The following FAM20C variants were observed in gnomAD, a reference collection of about 807,000 sequenced individuals.
FAM20C encodes the protein extracellular serine/threonine protein kinase FAM20C.
Under a neutral mutation model 51.5 loss-of-function variants are expected in FAM20C, and 40 were observed. The observed-to-expected ratio is 0.78, with a 90% CI of 0.60 to 1.01. FAM20C has a LOEUF of 1.01. Ranked by LOEUF, FAM20C falls within the 50% of genes least tolerant of loss-of-function variation. FAM20C has a pLI of 0.00. For synonymous variants in FAM20C, 406 were observed against 380.6 expected (o/e 1.07, Z -0.78); for missense variants, 861 against 844.7 (o/e 1.02, Z -0.24).
At chr7:214,971 C>CA (rs1786891381) in intron 3 of FAM20C, among the ~76,000 whole-genome samples, 1 of 152,082 alleles carries the variant, frequency 6.6e-6, no homozygotes, top group Admixed American at 6.5e-5. Context: ...AGATGTGACT[C>CA]AGACTCGAAG....
chr7:258,865 G>A (rs1036032419), intron 9 of FAM20C, among the ~76,000 whole-genome samples, 160 bp downstream of exon 9: 3 of 151,574 alleles, frequency 2.0e-5, no homozygotes, highest in Admixed American at 1.3e-4. Flanking sequence ...ACCCTCACTC[G>A]GCGGCCTGGA....
Position 193,144 on chromosome 7 carries a change from A to C in FAM20C, c.-56A>C, listed in dbSNP as rs1785644523. 38 of 1,397,878 alleles carry C rather than the reference A, an allele frequency of 2.7e-5. No individual in the cohort carries two copies. The highest frequency in any genetic ancestry group is 3.6e-5 in the Non-Finnish European group (38 of 1,063,660). The allele number at this position is 1,397,878 out of a possible 1,614,324, so 86.6% of individuals were successfully genotyped here. A position where few individuals can be genotyped will look rare whatever the true frequency, so the allele number is the denominator to read the frequency against. The stretch of plus-strand genomic sequence containing the variant: ...CGGCGCCGCGCTCGTGCCCAGCTGC[A>C]GCTAGAGGGGCGCGCGGGCAGAACG... On this transcript the variant is annotated 5_prime_UTR_variant, in exon 1 of 10. Coordinates refer to ENST00000313766, the MANE Select transcript of FAM20C (RefSeq NM_020223.4).
chr7:246,161 C>A, intron 3 of FAM20C: 1 of 460,446 alleles, frequency 2.2e-6, no homozygotes, highest in South Asian at 2.2e-5. Context: ...GCCTGCGCTG[C>A]TCTGAGGGCC....
chr7:217,869 G>A (rs1049708371), intron 3 of FAM20C, among the ~76,000 whole-genome samples: 1 of 152,278 alleles, frequency 6.6e-6, no homozygotes, highest in African/African-American at 2.4e-5. Context: ...GAGGAAGAGG[G>A]GCCTGGCTGA....
Position 193,333 on chromosome 7 carries a change from G to C in FAM20C, c.134G>C (p.Gly45Ala), listed in dbSNP as rs1785665481. 3.0e-6 allele frequency: 4 copies of C among 1,350,796 alleles called. No homozygotes were observed. The highest frequency in any genetic ancestry group is 3.8e-6 in the Non-Finnish European group (4 of 1,043,342). The allele number at this position is 1,350,796 out of a possible 1,614,324, so 83.7% of individuals were successfully genotyped here. ...RRGARPSGEP[G>A]CSCAQPAAEV... is the part of the protein sequence containing the mutation. ...GGCGCGCGGCCCTCGGGGGAGCCCG[G>C]CTGTTCGTGCGCGCAGCCCGCCGCC... The change falls in exon 1 of 10, where the codon GGC (glycine) becomes GCC (alanine). Residue 45 changes from glycine (G) to alanine (A), a missense_variant. Around this residue, in one of 3 missense-constraint regions of FAM20C, gnomAD observed 561 missense variants for 499.8 expected, o/e 1.12. Transcript: ENST00000313766.
chr7:220,911 C>T (rs370525210), intron 3 of FAM20C, among the ~76,000 whole-genome samples: 4 of 152,048 alleles, frequency 2.6e-5, no homozygotes, highest in East Asian at 1.9e-4. Context: ...GGGCACAGGG[C>T]GGAGCCTCGT....
At chr7:248,287 A>G (rs1562393928) in intron 4 of FAM20C, 28 bp from the exon 5 acceptor site, 2 of 1,504,780 alleles carry the variant, frequency 1.3e-6, no homozygotes, top group Admixed American at 3.9e-5. Context: ...CACAGAGCAC[A>G]GACCATTCCC....
Position 220,180 on chromosome 7 carries a change from C to T in FAM20C, c.863+11204C>T, listed in dbSNP as rs553057759. Among the ~76,000 whole-genome samples the T allele has an allele frequency of 2.0e-4, 30 of 152,288 alleles. No individual in the cohort carries two copies. The South Asian group carries it at 5.2e-3, about 26-fold the overall frequency. On this transcript the variant is annotated intron_variant, in intron 3 of 9. Coordinates refer to ENST00000313766, the MANE Select transcript of FAM20C (RefSeq NM_020223.4). ...ATGCTGCCCTCGCTGTGGTGGGGTC[C>T]CTGTGCCCAGAGCTGCTGGCTCCTG...
At chr7:207,394 G>T (rs1324031490) in intron 2 of FAM20C, among the ~76,000 whole-genome samples, 2 of 152,114 alleles carry the variant, frequency 1.3e-5, no homozygotes, top group Admixed American at 6.5e-5. Context: ...CCGCACACGT[G>T]CTCACTGTCT....
chr7:215,201 C>T (rs1488611217), intron 3 of FAM20C, among the ~76,000 whole-genome samples: 3 of 144,750 alleles, frequency 2.1e-5, no homozygotes, highest in East Asian at 4.0e-4. Flanking sequence ...GAGTGAGCAC[C>T]GTACCACAGA....
chr7:212,079 G>C (rs1303978874), intron 3 of FAM20C, among the ~76,000 whole-genome samples: 2 of 152,302 alleles, frequency 1.3e-5, no homozygotes, highest in East Asian at 3.9e-4. Flanking sequence ...GGGGATGATC[G>C]TTTCTTCTTC....
At chr7:258,936 C>T (rs1348613782) in intron 9 of FAM20C, among the ~76,000 whole-genome samples, 1 of 152,228 alleles carries the variant, frequency 6.6e-6, no homozygotes, top group African/African-American at 2.4e-5. Flanking sequence ...CTCGGGCCTC[C>T]ACTCTGTGTC....
Position 258,699 on chromosome 7 carries a change from G to C in FAM20C, c.1499G>C (p.Cys500Ser). 1 of 1,536,216 alleles carries C rather than the reference G, an allele frequency of 6.5e-7. No individual in the cohort carries two copies. The highest frequency in any genetic ancestry group is 8.7e-7 in the Non-Finnish European group (1 of 1,146,264). The part of the protein sequence containing the change: ...ELSILVPLQQ[C>S]CRIRKSTYLR... ...TCCATCCTGGTGCCGCTACAGCAGT[G>C]CTGCAGGTACAGCCCCTGCCGGAGC... Residue 500 changes from cysteine to serine, a missense_variant, in exon 9 of 10, where the codon TGC becomes TCC. Transcript: ENST00000313766.
Position 217,499 on chromosome 7 carries a change from G to T in FAM20C, c.863+8523G>T, listed in dbSNP as rs80185197. Among the ~76,000 whole-genome samples the T allele has an allele frequency of 7.4e-4, 13 of 17,548 alleles. No individual in the cohort carries two copies. In the South Asian group the frequency reaches 0.022, roughly 30 times the overall value. 11.5% of individuals were successfully genotyped at this position (17,548 alleles called of 152,430 possible). A position where few individuals can be genotyped will look rare whatever the true frequency, so the allele number is the denominator to read the frequency against. ...GGGAATTTCAGGGCCATCCTGGGGG[G>T]CGGTGCTGAGATGGTGGCCTCGGGC... is the stretch of plus-strand genomic sequence containing the variant. On this transcript the variant is annotated intron_variant, in intron 3 of 9. Coordinates refer to ENST00000313766, the MANE Select transcript of FAM20C (RefSeq NM_020223.4).
intron 8 of FAM20C, among the ~76,000 whole-genome samples, chr7:258,234 G>A (rs867534424): frequency 2.4e-3 from 183 of 74,780 alleles, no homozygotes; most frequent in Middle Eastern, 8.9e-3. Flanking sequence ...GGAGATGGGT[G>A]GGGTGGACCC....
rs1352225835 is a variant in FAM20C at position 256,044 on chromosome 7, G to A, written c.1253+15G>A. 25 of 1,531,448 alleles carry A rather than the reference G, an allele frequency of 1.6e-5. No individual in the cohort carries two copies. Among genetic ancestry groups the A allele is most frequent in the South Asian group, 3.6e-5 (3 of 83,784 alleles). 94.9% of individuals were successfully genotyped at this position (1,531,448 alleles called of 1,614,324 possible). A position where few individuals can be genotyped will look rare whatever the true frequency, so the allele number is the denominator to read the frequency against. On this transcript the variant is annotated intron_variant, in intron 6 of 9. Coordinates refer to ENST00000313766, the MANE Select transcript of FAM20C (RefSeq NM_020223.4). ...AAGAAGGCCGAGTGAGTGCGGGGCCGGGGGGCTGGCGTCCGGCCACCCTAC... is the reference window on the plus strand; with the variant it reads ...AAGAAGGCCGAGTGAGTGCGGGGCCAGGGGGCTGGCGTCCGGCCACCCTAC...
chr7:229,992 G>C (rs1377481634), intron 3 of FAM20C, among the ~76,000 whole-genome samples: 1 of 152,150 alleles, frequency 6.6e-6, no homozygotes, highest in African/African-American at 2.4e-5. Flanking sequence ...GATGGGGTAG[G>C]GGGATGGGGA....
intron 3 of FAM20C, among the ~76,000 whole-genome samples, chr7:217,823 G>A (rs1236806027): frequency 1.3e-5 from 2 of 152,200 alleles, no homozygotes; most frequent in Non-Finnish European, 2.9e-5. Context: ...GGTTCGATGA[G>A]CGCCTGGCTG....
intron 3 of FAM20C, among the ~76,000 whole-genome samples, chr7:231,068 A>G (rs1787654077): frequency 1.3e-5 from 2 of 152,128 alleles, no homozygotes; most frequent in Non-Finnish European, 2.9e-5. Context: ...TGGAAGACAC[A>G]GGCCAGGGTG....
Sources: allele counts gnomAD v4.1 joint callset (sites outside exome capture counted in the v4.1 genomes callset), GRCh38; gene constraint gnomAD v4.1.1; regional missense constraint gnomAD v4.1.1; transcripts MANE v1.5; gene names NCBI Gene and HGNC (gene_info 2026-07-23, HGNC 2026-07-21).